The following USP20 variants were observed in gnomAD, a reference collection of about 807,000 sequenced individuals.
USP20 encodes ubiquitin specific peptidase 20.
USP20 carries 80 observed loss-of-function variants against 124.2 expected under a neutral mutation model. That is an observed-to-expected ratio of 0.64 (90% CI 0.54 to 0.78). USP20 has a LOEUF of 0.78. Ranked by LOEUF, USP20 falls within the 30% of genes least tolerant of loss-of-function variation. USP20 has a pLI of 0.00. For synonymous variants in USP20, 481 were observed against 512.3 expected (o/e 0.94, Z 0.83); for missense variants, 1,043 against 1,244.4 (o/e 0.84, Z 2.44).
In USP20 at chr9:129,874,729, G is replaced by C; in HGVS notation, c.1894G>C (p.Val632Leu). The change falls in exon 18 of 26, where the codon GTC becomes CTC. Residue 632 changes from valine to leucine, a missense_variant. Val to Leu is a conservative substitution (Grantham distance 32). Coordinates refer to ENST00000372429, the MANE Select transcript of USP20 (RefSeq NM_001110303.4). ...SQITTYDLLS[V>L]ICHHGTAGSG... ...GATCACCACCTACGACCTCCTCTCG[G>C]TCATCTGCCACCACGGCACGGCAGG... is the stretch of plus-strand genomic sequence containing the variant. The C allele has an allele frequency of 1.9e-6, 3 of 1,613,836 alleles. No homozygotes were observed. Among genetic ancestry groups the C allele is most frequent in the Non-Finnish European group, 2.5e-6 (3 of 1,180,000 alleles).
At position 129,847,756 on chromosome 9, in the gene USP20, A is replaced by T. The variant is rs575987373; in HGVS notation, c.-128-2057A>T. On this transcript the variant is annotated intron_variant, in intron 1 of 25. Transcript: ENST00000372429. ...ACAAGATCTAGAACATTCCAACACC[A>T]CAGAAAGTTCCTTCTTGTCTGCAAC... is the stretch of plus-strand genomic sequence containing the variant. Among the ~76,000 whole-genome samples, 4 of 152,272 alleles carry T rather than the reference A, an allele frequency of 2.6e-5. No homozygotes were observed. In the South Asian group the frequency reaches 6.2e-4, roughly 24 times the overall value.
chr9:129,853,590 C>CAGCG (rs2033051758), intron 3 of USP20, among the ~76,000 whole-genome samples: 1 of 152,250 alleles, frequency 6.6e-6, no homozygotes, highest in Non-Finnish European at 1.5e-5. Context: ...GCTGCACCAG[C>CAGCG]AGGTCCTTGG....
rs2034231757 is a variant in USP20, at chr9:129,873,463, C to G, written c.1661-19C>G. 1 of 1,614,024 alleles carries G rather than the reference C, an allele frequency of 6.2e-7. No individual in the cohort carries two copies. Among genetic ancestry groups the G allele is most frequent in the African/African-American group, 1.3e-5 (1 of 74,906 alleles). On this transcript the variant is annotated intron_variant, in intron 15 of 25. Coordinates refer to ENST00000372429, the MANE Select transcript of USP20 (RefSeq NM_001110303.4). The stretch of plus-strand genomic sequence containing the variant: ...TTTGCATCCTTGCTAACCTCTGACC[C>G]TTTGTTTTACTGCCCTAGGTGACAA...
At chr9:129,841,152 C>T (rs1174384704) in intron 1 of USP20, among the ~76,000 whole-genome samples, 3 of 152,194 alleles carry the variant, frequency 2.0e-5, no homozygotes, top group African/African-American at 4.8e-5. Context: ...GTGGCTTAAA[C>T]GACAGAGATT....
Position 129,852,569 on chromosome 9 carries a change from G to A in USP20, c.14G>A (p.Arg5Lys). Residue 5 changes from arginine to lysine, a missense_variant, in exon 3 of 26, where the codon AGG becomes AAG. By Grantham distance (26) the Arg-to-Lys change is conservative. Transcript: ENST00000372429. MGDS[R>K]DLCPHLDSIG... ...GCCCAGGCCAGGATGGGGGACTCCA[G>A]GGACCTTTGCCCTCACCTTGACTCC... is the stretch of plus-strand genomic sequence containing the variant. 1 of 1,597,602 alleles carries A rather than the reference G, an allele frequency of 6.3e-7. No homozygotes were observed. The highest frequency in any genetic ancestry group is 8.5e-7 in the Non-Finnish European group (1 of 1,171,422).
chr9:129,863,354 C>A, intron 9 of USP20, 55 bp downstream of exon 9: 2 of 1,400,218 alleles, frequency 1.4e-6, no homozygotes, highest in South Asian at 1.3e-5. Context: ...GGTTTCCTGT[C>A]AGCACCCATG....
chr9:129,835,763 C>G (rs1234232725), intron 1 of USP20: 3 of 152,430 alleles, frequency 2.0e-5, no homozygotes, highest in African/African-American at 7.2e-5. Context: ...GGGCCGCCCC[C>G]CTCTCATTTC....
chr9:129,865,167 T>G, intron 9 of USP20, 136 bp from the exon 10 acceptor site: 1 of 821,780 alleles, frequency 1.2e-6, no homozygotes, highest in South Asian at 1.6e-5. Context: ...TTGGGGCTCC[T>G]GGCTGAGTAG....
chr9:129,851,859 GT>G (rs1290451273), intron 2 of USP20, among the ~76,000 whole-genome samples: 1 of 151,636 alleles, frequency 6.6e-6, no homozygotes, highest in Non-Finnish European at 1.5e-5. Flanking sequence ...CACTGCTGAT[GT>G]TTTGGCAAAC....
chr9:129,862,082 G>A (rs2033576446), intron 8 of USP20, among the ~76,000 whole-genome samples: 1 of 152,164 alleles, frequency 6.6e-6, no homozygotes, highest in Admixed American at 6.5e-5. Context: ...GGCCAAGGAT[G>A]TCTCCTGTGT....
intron 8 of USP20, 29 bp from the exon 9 acceptor site, chr9:129,863,157 T>C: frequency 5.3e-6 from 8 of 1,498,150 alleles, no homozygotes; most frequent in African/African-American, 1.4e-5. Context: ...TTTGCTCTCC[T>C]GACCTGGCTC....
At chr9:129,840,856 C>T (rs950326260) in intron 1 of USP20, among the ~76,000 whole-genome samples, 5 of 151,514 alleles carry the variant, frequency 3.3e-5, no homozygotes, top group African/African-American at 7.3e-5. Flanking sequence ...CTGCAACCTC[C>T]GCCTCCCAGG....
At chr9:129,870,576 G>A in intron 15 of USP20, 29 bp downstream of exon 15, 1 of 1,612,676 alleles carries the variant, frequency 6.2e-7, no homozygotes, top group Middle Eastern at 1.7e-4. Context: ...AAGGGTCGGG[G>A]AGGTGGAGGG....
At chr9:129,840,998 T>C (rs901106445) in intron 1 of USP20, among the ~76,000 whole-genome samples, 1 of 152,170 alleles carries the variant, frequency 6.6e-6, no homozygotes, top group Non-Finnish European at 1.5e-5. Flanking sequence ...CTCAAACTGC[T>C]GACCTCTGGT....
rs2034329149 is a variant in USP20, at chr9:129,875,182, G to C, written c.2049-128G>C. On this transcript the variant is annotated intron_variant, in intron 19 of 25. Transcript: ENST00000372429. ...CACAGGGGGCTGCTCACATGTCCAG[G>C]ACCCGTGAAGGACCCAGGAGGTGGT... is the stretch of plus-strand genomic sequence containing the variant. 13 of 1,256,746 alleles carry C rather than the reference G, an allele frequency of 1.0e-5. 2 individuals carry two copies. In the South Asian group the frequency reaches 1.7e-4, roughly 16 times the overall value. 77.8% of individuals were successfully genotyped at this position (1,256,746 alleles called of 1,614,324 possible).
chr9:129,870,321 G>A lies in USP20; in HGVS notation c.1566-132G>A, dbSNP rs551980019. On this transcript the variant is annotated intron_variant, in intron 14 of 25. Transcript: ENST00000372429. Reference sequence around the variant, plus strand: ...CTCCAGGCCTCTGCCCCGACCCGCCGTGCCCGGCTGCTTCTCTGGGCCTTC... The same window carrying A: ...CTCCAGGCCTCTGCCCCGACCCGCCATGCCCGGCTGCTTCTCTGGGCCTTC... 4.0e-4 allele frequency: 375 copies of A among 928,262 alleles called. 1 individual carries two copies. In the African/African-American group the frequency reaches 5.2e-3, roughly 13 times the overall value. 57.5% of individuals were successfully genotyped at this position (928,262 alleles called of 1,614,324 possible). A position where few individuals can be genotyped will look rare whatever the true frequency, so the allele number is the denominator to read the frequency against.
chr9:129,876,092 C>G (rs746525755), intron 21 of USP20, 38 bp from the exon 22 acceptor site: 1 of 1,560,698 alleles, frequency 6.4e-7, no homozygotes, highest in African/African-American at 1.4e-5. Flanking sequence ...CCTGGTACCC[C>G]GCTCAGGCCG....
intron 5 of USP20, 46 bp from the exon 6 acceptor site, chr9:129,858,421 G>T: frequency 6.2e-7 from 1 of 1,613,098 alleles, no homozygotes. Context: ...TGGGGCACTT[G>T]TTAGGCTAGA....
At chr9:129,841,513 G>A (rs1376023198) in intron 1 of USP20, among the ~76,000 whole-genome samples, 3 of 152,194 alleles carry the variant, frequency 2.0e-5, no homozygotes, top group Non-Finnish European at 4.4e-5. Flanking sequence ...TCCACACTCA[G>A]GCATGCTGGT....
Sources: gnomAD v4.1 joint callset for allele counts (sites outside exome capture counted in the v4.1 genomes callset) on GRCh38, gnomAD v4.1.1 for gene constraint, MANE v1.5 for transcripts, NCBI Gene and HGNC (gene_info 2026-07-23, HGNC 2026-07-21) for gene names.